Variants in THSD7A observed in about 807,000 individuals in gnomAD.
THSD7A encodes the protein thrombospondin type-1 domain-containing protein 7A.
In THSD7A, 96 loss-of-function variants were observed where a neutral mutation model predicts 231.3. The ratio of observed to expected loss-of-function variants is 0.41; its 90% CI spans 0.35 to 0.49. The LOEUF (loss-of-function observed/expected upper bound fraction) is 0.49. Among genes scored for constraint, THSD7A ranks in the 20% least tolerant of loss-of-function variants. The probability of loss-of-function intolerance (pLI) is 0.05; values close to 1 mark genes in which losing one functional copy is unlikely to be tolerated. For synonymous variants in THSD7A, 940 were observed against 743.3 expected, an observed-to-expected ratio of 1.26 and a Z score of -4.30; for missense variants, 2,290 against 2,070.2, an observed-to-expected ratio of 1.11 and a Z score of -2.06.
In THSD7A at chr7:11,447,463, C is replaced by A. The variant is rs200607113; in HGVS notation, c.2606-39G>T. 2.8e-6 allele frequency: 4 copies of A among 1,441,296 alleles called. No homozygotes were observed. In the South Asian group the frequency reaches 4.4e-5, roughly 16 times the overall value. 89.3% of individuals were successfully genotyped at this position (1,441,296 alleles called of 1,614,324 possible). On this transcript the variant is annotated intron_variant, in intron 11 of 27. Coordinates refer to ENST00000423059, the MANE Select transcript of THSD7A (RefSeq NM_015204.3). ...ATAAAGCTGTTATAACAAATTCAAA[C>A]GTCTAATTACTCTATAATTTAGAAG...
chr7:11,636,707 C>G lies in THSD7A; in HGVS notation c.445G>C (p.Gly149Arg), dbSNP rs987637970. The G allele has an allele frequency of 6.2e-7, 1 of 1,613,994 alleles. No individual in the cohort carries two copies. The highest frequency in any genetic ancestry group is 1.3e-5 in the African/African-American group (1 of 75,034). Residue 149 changes from glycine (G) to arginine (R), a missense_variant, in exon 2 of 28, where the codon GGG (glycine) becomes CGG (arginine). By Grantham distance (125) the Gly-to-Arg change is moderately radical. Coordinates refer to ENST00000423059, the MANE Select transcript of THSD7A (RefSeq NM_015204.3). The surrounding 1 kb of genome is among the most constrained non-coding windows in gnomAD (Gnocchi z 10.0). ...SLEKPLECIKGEEGIQVREIA... is the reference protein window; with the variant it reads ...SLEKPLECIKREEGIQVREIA... ...TCCCTCACCTGAATACCTTCTTCCC[C>G]CTTAATGCACTCAAGAGGTTTCTCT...
At chr7:11,509,688 G>A (rs952866483) in intron 6 of THSD7A, among the ~76,000 whole-genome samples, 10 of 151,082 alleles carry the variant, frequency 6.6e-5, no homozygotes, top group African/African-American at 2.4e-4. Context: ...CGGGCGCAGT[G>A]GCGGGTGCCT....
At chr7:11,669,029 A>G (rs962774882) in intron 1 of THSD7A, among the ~76,000 whole-genome samples, 10 of 152,172 alleles carry the variant, frequency 6.6e-5, no homozygotes, top group Non-Finnish European at 1.0e-4. Flanking sequence ...CTACAGAGTC[A>G]GTTTCTCAGT....
At chr7:11,723,701 C>A (rs1211094028) in intron 1 of THSD7A, among the ~76,000 whole-genome samples, 2 of 151,782 alleles carry the variant, frequency 1.3e-5, no homozygotes, top group African/African-American at 4.8e-5. Context: ...CACTTATCTA[C>A]ATCAGGGAAG....
intron 1 of THSD7A, among the ~76,000 whole-genome samples, chr7:11,714,412 C>T (rs1470128062): frequency 6.6e-6 from 1 of 151,156 alleles, no homozygotes; most frequent in Non-Finnish European, 1.5e-5. Flanking sequence ...TTAATCTTTA[C>T]CTTAACCCTA....
intron 2 of THSD7A, among the ~76,000 whole-genome samples, chr7:11,596,977 C>T (rs1411149015): frequency 6.6e-6 from 1 of 152,252 alleles, no homozygotes; most frequent in Non-Finnish European, 1.5e-5. Context: ...TATATCAACT[C>T]TCCAGCTTTG....
chr7:11,597,186 C>G (rs1780393668), intron 2 of THSD7A, among the ~76,000 whole-genome samples: 1 of 152,186 alleles, frequency 6.6e-6, no homozygotes, highest in South Asian at 2.1e-4. Flanking sequence ...CAGGGACCTT[C>G]TACCTCAGTA....
chr7:11,730,811 A>T (rs1017222438), intron 1 of THSD7A, among the ~76,000 whole-genome samples: 9 of 151,438 alleles, frequency 5.9e-5, no homozygotes, highest in African/African-American at 1.9e-4. Flanking sequence ...CCTGAGATTC[A>T]CTTAATCCAC....
chr7:11,587,967 G>A (rs1779983663), intron 4 of THSD7A, among the ~76,000 whole-genome samples: 1 of 152,106 alleles, frequency 6.6e-6, no homozygotes, highest in Non-Finnish European at 1.5e-5. Flanking sequence ...GAGAACACAT[G>A]GTGTGAAACT....
chr7:11,422,262 C>T (rs766726431), intron 16 of THSD7A, among the ~76,000 whole-genome samples: 3 of 152,118 alleles, frequency 2.0e-5, no homozygotes, highest in South Asian at 2.1e-4. Context: ...CCACTTCTAC[C>T]ACCACTCCTT....
intron 6 of THSD7A, among the ~76,000 whole-genome samples, chr7:11,500,995 G>A (rs1479433835): frequency 6.8e-6 from 1 of 146,812 alleles, no homozygotes; most frequent in Non-Finnish European, 1.5e-5. Flanking sequence ...AGACAAAACA[G>A]ATTTCAAACC....
At chr7:11,412,918 G>C in intron 17 of THSD7A, 118 bp from the exon 18 acceptor site, 1 of 1,134,860 alleles carries the variant, frequency 8.8e-7, no homozygotes. Context: ...ACTCAGAAAA[G>C]TCAGTCAACC....
intron 1 of THSD7A, among the ~76,000 whole-genome samples, chr7:11,764,405 C>A (rs1012451162): frequency 6.6e-6 from 1 of 151,948 alleles, no homozygotes; most frequent in African/African-American, 2.4e-5. Flanking sequence ...CACGGTGAAA[C>A]CCCGTCTCTA....
At chr7:11,633,560 T>C (rs1016082380) in intron 2 of THSD7A, among the ~76,000 whole-genome samples, 1 of 152,200 alleles carries the variant, frequency 6.6e-6, no homozygotes, top group Non-Finnish European at 1.5e-5. Flanking sequence ...TTCTGAGTGT[T>C]CATGAAAGCT....
At chr7:11,421,525 A>G (rs1225334089) in intron 16 of THSD7A, among the ~76,000 whole-genome samples, 1 of 152,206 alleles carries the variant, frequency 6.6e-6, no homozygotes, top group Non-Finnish European at 1.5e-5. Context: ...GTATAGCACT[A>G]TGAGAAAAGA....
chr7:11,460,083 A>T (rs1397875721), intron 11 of THSD7A, among the ~76,000 whole-genome samples: 2 of 152,066 alleles, frequency 1.3e-5, no homozygotes, highest in African/African-American at 4.8e-5. Flanking sequence ...GAACATTCTC[A>T]TTACCCATTT....
chr7:11,391,337 A>G (rs1782973357), intron 23 of THSD7A, among the ~76,000 whole-genome samples: 1 of 152,166 alleles, frequency 6.6e-6, no homozygotes, highest in Non-Finnish European at 1.5e-5. Context: ...GCCACAGCAG[A>G]CTTGCTGAGC....
intron 1 of THSD7A, among the ~76,000 whole-genome samples, chr7:11,797,854 T>G (rs1294366732): frequency 6.6e-6 from 1 of 152,178 alleles, no homozygotes; most frequent in Non-Finnish European, 1.5e-5. Flanking sequence ...AAATAACTAT[T>G]TTAGTCTTAT....
chr7:11,546,772 T>C (rs948089105), intron 4 of THSD7A, among the ~76,000 whole-genome samples: 2 of 152,092 alleles, frequency 1.3e-5, no homozygotes, highest in Non-Finnish European at 2.9e-5. Context: ...GCAATGAAGA[T>C]CACTGAGATT....
Sources: allele counts gnomAD v4.1 joint callset (sites outside exome capture counted in the v4.1 genomes callset), GRCh38; gene constraint gnomAD v4.1.1; non-coding constraint Gnocchi (gnomAD v3.1); transcripts MANE v1.5; gene names NCBI Gene and HGNC (gene_info 2026-07-23, HGNC 2026-07-21).